TUBGCP3: variants seen among roughly 807,000 people sequenced by gnomAD.
The protein encoded by TUBGCP3 is tubulin gamma complex component 3.
In TUBGCP3, 50 loss-of-function variants were observed where a neutral mutation model predicts 123.1. The observed-to-expected ratio is 0.41, with a 90% CI of 0.32 to 0.51. The LOEUF (loss-of-function observed/expected upper bound fraction) is 0.51. TUBGCP3 is among the 20% of genes least tolerant of loss of function. TUBGCP3 has a pLI of 0.36. For missense variants in TUBGCP3, 882 were observed against 1,127.0 expected (o/e 0.78, Z 3.11); for synonymous variants, 405 against 413.9 (o/e 0.98, Z 0.26).
chr13:112,549,244 A>C (rs937121404), intron 8 of TUBGCP3, among the ~76,000 whole-genome samples: 52 of 152,032 alleles, frequency 3.4e-4, no homozygotes, highest in African/African-American at 1.1e-3. Flanking sequence ...GACAGAAAAC[A>C]AAACACCGCA....
At chr13:112,538,848 T>C (rs571520211) in intron 11 of TUBGCP3, among the ~76,000 whole-genome samples, 2 of 152,222 alleles carry the variant, frequency 1.3e-5, no homozygotes, top group South Asian at 2.1e-4. Flanking sequence ...AATTAACCTA[T>C]AGAAGAAACA....
chr13:112,518,868 G>T, intron 16 of TUBGCP3, 107 bp downstream of exon 16: 2 of 924,118 alleles, frequency 2.2e-6, no homozygotes, highest in East Asian at 2.5e-5. Flanking sequence ...TAGATGTCGA[G>T]TGATCACTTG....
Position 112,524,238 on chromosome 13 carries a change from G to A in TUBGCP3, c.1556-1729C>T, listed in dbSNP as rs780688367. Reference sequence around the variant, plus strand: ...ATATCTAGCGCAATGTACATGCTATGCAAATAGCTGTTAAATTGTCTTGGT... The same window carrying A: ...ATATCTAGCGCAATGTACATGCTATACAAATAGCTGTTAAATTGTCTTGGT... On this transcript the variant is annotated intron_variant, in intron 13 of 21. Transcript: ENST00000261965. The surrounding 1 kb of genome is among the most constrained non-coding windows in gnomAD (Gnocchi z 4.4). Among the ~76,000 whole-genome samples the A allele has an allele frequency of 1.7e-4, 26 of 152,216 alleles. No homozygotes were observed. Among genetic ancestry groups the A allele is most frequent in the Non-Finnish European group, 3.5e-4 (24 of 68,034 alleles).
intron 21 of TUBGCP3, 145 bp from the exon 22 acceptor site, chr13:112,486,296 T>A: frequency 8.8e-6 from 9 of 1,021,220 alleles, no homozygotes; most frequent in Non-Finnish European, 1.1e-5. Context: ...AGGGCAGGTG[T>A]CCAGGGAGCA....
rs1358440985 is a variant in TUBGCP3, at chr13:112,486,151, C to T, written c.2566G>A (p.Gly856Ser). ...AACACCAAAAACTGCTGCACGATAC[C>T]CTAAAAAGAAGCAAAAGGAGTAAAA... is the stretch of plus-strand genomic sequence containing the variant. ...QLRILTHFYQ[G>S]IVQQFLVLLT... Residue 856 changes from glycine (G) to serine (S), a missense_variant and splice_region_variant, in exon 22 of 22, where the codon GGT becomes AGT. Physicochemically the swap from Gly to Ser is moderately conservative, Grantham distance 56 (BLOSUM62 0). Around this residue, in one of 3 missense-constraint regions of TUBGCP3, gnomAD observed 160 missense variants for 220.3 expected, o/e 0.73. Transcript: ENST00000261965. The T allele has an allele frequency of 6.8e-6, 11 of 1,607,900 alleles. No individual in the cohort carries two copies. Among genetic ancestry groups the T allele is most frequent in the Non-Finnish European group, 9.3e-6 (11 of 1,177,650 alleles).
intron 3 of TUBGCP3, among the ~76,000 whole-genome samples, chr13:112,561,021 T>C (rs763700905): frequency 1.3e-5 from 2 of 152,056 alleles, no homozygotes; most frequent in Non-Finnish European, 2.9e-5. Flanking sequence ...GGAGGGAAGC[T>C]GACATCGGAA....
At chr13:112,544,452 C>CAA (rs1210946326) in intron 11 of TUBGCP3, 8,308 of 48,768 alleles carry the variant, frequency 0.17, 855 homozygotes, top group Non-Finnish European at 0.24. Flanking sequence ...GACTCTGTCT[C>CAA]AAAAAAAAAA....
In TUBGCP3 at chr13:112,516,431, G is replaced by T. The variant is rs1472946579; in HGVS notation, c.2086+9C>A. On this transcript the variant is annotated intron_variant, in intron 17 of 21. Transcript: ENST00000261965. ...TGTGTGCGGACCCGTGACCGTGCTGGGGGCTCACCTGGCATGTTTCTCAGG... is the reference window on the plus strand; with the variant it reads ...TGTGTGCGGACCCGTGACCGTGCTGTGGGCTCACCTGGCATGTTTCTCAGG... 6.3e-7 allele frequency: 1 copy of T among 1,592,056 alleles called. No individual in the cohort carries two copies. Among genetic ancestry groups the T allele is most frequent in the East Asian group, 2.3e-5 (1 of 44,214 alleles).
rs1411947967 is a variant in TUBGCP3, at chr13:112,587,947, G to A, written c.34C>T (p.Leu12=). 12 of 1,593,470 alleles carry A rather than the reference G, an allele frequency of 7.5e-6. No individual in the cohort carries two copies. Among genetic ancestry groups the A allele is most frequent in the East Asian group, 4.7e-5 (2 of 42,506 alleles). ...ATPDQKSPNV[L]LQNLCCRILG... ...ATCCTGCAGCACAGGTTCTGCAGCA[G>A]AACGTTCGGCGACTTCTGGTCCGGG... The change falls in exon 1 of 22, where the codon CTG becomes TTG. Residue 12 remains leucine (L), a synonymous_variant. Coordinates refer to ENST00000261965, the MANE Select transcript of TUBGCP3 (RefSeq NM_006322.6).
At chr13:112,565,708 G>A (rs1040498541) in intron 2 of TUBGCP3, among the ~76,000 whole-genome samples, 1 of 152,216 alleles carries the variant, frequency 6.6e-6, no homozygotes, top group African/African-American at 2.4e-5. Context: ...ACCGAGGCAG[G>A]TGGATCACAA....
intron 6 of TUBGCP3, 93 bp from the exon 7 acceptor site, chr13:112,555,098 G>A: frequency 1.3e-6 from 1 of 747,544 alleles, no homozygotes; most frequent in Non-Finnish European, 2.2e-6. Context: ...TTAGATATTT[G>A]CCACCCCGAT....
At chr13:112,520,899 A>C (rs1876561582) in intron 14 of TUBGCP3, among the ~76,000 whole-genome samples, 1 of 152,262 alleles carries the variant, frequency 6.6e-6, no homozygotes, top group African/African-American at 2.4e-5. Flanking sequence ...GGCAGAGACA[A>C]GGTGAAAAAG....
At chr13:112,569,579 A>G (rs1361560416) in intron 1 of TUBGCP3, among the ~76,000 whole-genome samples, 1 of 152,186 alleles carries the variant, frequency 6.6e-6, no homozygotes, top group Non-Finnish European at 1.5e-5. Flanking sequence ...CAAGAAGAGG[A>G]GGCCGGGTCA....
In TUBGCP3 at chr13:112,485,201, C is replaced by T. The variant is rs1879574696; in HGVS notation, c.*792G>A. 6.6e-6 allele frequency: 1 copy of T among 152,528 alleles called. No homozygotes were observed. The highest frequency in any genetic ancestry group is 2.1e-4 in the South Asian group (1 of 4,818). 9.4% of individuals were successfully genotyped at this position (152,528 alleles called of 1,614,324 possible). A position where few individuals can be genotyped will look rare whatever the true frequency, so the allele number is the denominator to read the frequency against. On this transcript the variant is annotated 3_prime_UTR_variant, in exon 22 of 22. Coordinates refer to ENST00000261965, the MANE Select transcript of TUBGCP3 (RefSeq NM_006322.6). The stretch of plus-strand genomic sequence containing the variant: ...AAATCTTCATTATCCATGTCGATTT[C>T]TTTCCAATGCTTATCAGGAACTTTG...
the TUBGCP3 span, among the ~76,000 whole-genome samples, chr13:112,601,449 G>A: frequency 5.3e-5 from 8 of 152,104 alleles, no homozygotes; most frequent in Non-Finnish European, 1.2e-4. Flanking sequence ...TCATTCTCTC[G>A]GTAGCGTTAA....
chr13:112,555,394 C>G (rs563031151), intron 6 of TUBGCP3, among the ~76,000 whole-genome samples: 11 of 152,304 alleles, frequency 7.2e-5, no homozygotes, highest in Admixed American at 5.9e-4. Context: ...AGGACAGGTA[C>G]AGGTAACATC....
the TUBGCP3 span, among the ~76,000 whole-genome samples, chr13:112,597,873 A>G: frequency 6.6e-6 from 1 of 152,170 alleles, no homozygotes; most frequent in Non-Finnish European, 1.5e-5. Flanking sequence ...GAGAGAGAAA[A>G]TGTGTCAGAG....
Position 112,487,991 on chromosome 13 carries a change from G to T in TUBGCP3, c.2565+1590C>A, listed in dbSNP as rs112302266. Reference sequence around the variant, plus strand: ...TACTAAAAATACAACAATTAGCCGGGTGTGGTGGCGCGTGCCTGTAATCCC... The same window carrying T: ...TACTAAAAATACAACAATTAGCCGGTTGTGGTGGCGCGTGCCTGTAATCCC... On this transcript the variant is annotated intron_variant, in intron 21 of 21. Transcript: ENST00000261965. Among the ~76,000 whole-genome samples the T allele has an allele frequency of 6.4e-3, 967 of 152,032 alleles. 4 individuals are homozygous for T. The highest frequency in any genetic ancestry group is 0.022 in the African/African-American group (924 of 41,470).
At chr13:112,532,314 C>T (rs917589208) in intron 11 of TUBGCP3, among the ~76,000 whole-genome samples, 1 of 152,238 alleles carries the variant, frequency 6.6e-6, no homozygotes, top group African/African-American at 2.4e-5. Flanking sequence ...TTCAGTAACA[C>T]AGCAACAGTG....
Sources: allele counts gnomAD v4.1 joint callset (sites outside exome capture counted in the v4.1 genomes callset), GRCh38; gene constraint gnomAD v4.1.1; regional missense constraint gnomAD v4.1.1; non-coding constraint Gnocchi (gnomAD v3.1); transcripts MANE v1.5; gene names NCBI Gene and HGNC (gene_info 2026-07-23, HGNC 2026-07-21).